The following METTL15 variants were observed in gnomAD, a reference collection of about 807,000 sequenced individuals.
METTL15 encodes methyltransferase 15, mitochondrial 12S rRNA N4-cytidine.
METTL15 carries 34 observed loss-of-function variants against 38.3 expected under a neutral mutation model. The observed-to-expected ratio is 0.89, with a 90% CI of 0.68 to 1.18. METTL15 has a LOEUF of 1.18. Ranked by LOEUF, METTL15 falls within the 50% of genes most tolerant of loss-of-function variation. The pLI is 0.00. For missense variants in METTL15, 438 were observed against 498.4 expected, an observed-to-expected ratio of 0.88 and a Z score of 1.15; for synonymous variants, 162 against 170.9, an observed-to-expected ratio of 0.95 and a Z score of 0.41.
chr11:28,170,877 C>G (rs1274383422), intron 3 of METTL15, among the ~76,000 whole-genome samples: 1 of 152,172 alleles, frequency 6.6e-6, no homozygotes, highest in Non-Finnish European at 1.5e-5. Flanking sequence ...GACCTCCTGT[C>G]TCATCCTGTG....
intron 6 of METTL15, among the ~76,000 whole-genome samples, chr11:28,452,286 T>C (rs978252183): frequency 6.6e-6 from 1 of 152,234 alleles, no homozygotes; most frequent in Non-Finnish European, 1.5e-5. Flanking sequence ...TATCATTTAC[T>C]GCATTCTTCA....
chr11:28,206,105 A>G (rs1365166676), intron 3 of METTL15, among the ~76,000 whole-genome samples: 2 of 148,912 alleles, frequency 1.3e-5, no homozygotes, highest in Non-Finnish European at 3.0e-5. Context: ...GAAGCTCTTT[A>G]GTTTAATTAG....
At chr11:28,153,973 A>AT (rs889524331) in intron 3 of METTL15, among the ~76,000 whole-genome samples, 4 of 152,146 alleles carry the variant, frequency 2.6e-5, no homozygotes, top group African/African-American at 9.6e-5. Context: ...AAATTGACTC[A>AT]TTTACATTTT....
At chr11:28,288,248 C>T (rs541722900) in intron 4 of METTL15, among the ~76,000 whole-genome samples, 5 of 152,002 alleles carry the variant, frequency 3.3e-5, no homozygotes, top group South Asian at 2.1e-4. Context: ...TGTGGAAGAC[C>T]GTGTAATGAC....
intron 3 of METTL15, among the ~76,000 whole-genome samples, chr11:28,154,065 T>C (rs984948691): frequency 6.6e-6 from 1 of 152,190 alleles, no homozygotes; most frequent in East Asian, 1.9e-4. Flanking sequence ...TTTCTGTTAT[T>C]GATTCTTTCA....
chr11:28,202,203 C>A (rs1046158283), intron 3 of METTL15, among the ~76,000 whole-genome samples: 1 of 150,876 alleles, frequency 6.6e-6, no homozygotes, highest in African/African-American at 2.4e-5. Context: ...ATATGGGGGC[C>A]TAAATTAAAG....
intron 3 of METTL15, among the ~76,000 whole-genome samples, chr11:28,202,493 C>T (rs1295151670): frequency 6.6e-6 from 1 of 151,620 alleles, no homozygotes; most frequent in Non-Finnish European, 1.5e-5. Context: ...GTCTAAAGTC[C>T]CTCACAAGAC....
chr11:28,469,542 C>G (rs1317418791), intron 6 of METTL15, among the ~76,000 whole-genome samples: 1 of 152,150 alleles, frequency 6.6e-6, no homozygotes, highest in Non-Finnish European at 1.5e-5. Context: ...TCCACCACTA[C>G]TGGAATACTG....
intron 3 of METTL15, among the ~76,000 whole-genome samples, chr11:28,156,990 C>T (rs2133732744): frequency 6.6e-6 from 1 of 152,236 alleles, no homozygotes; most frequent in Middle Eastern, 3.4e-3. Flanking sequence ...GTATTTAACC[C>T]TTATTCCTGA....
chr11:28,192,887 G>A (rs1332232032), intron 3 of METTL15, among the ~76,000 whole-genome samples: 1 of 152,000 alleles, frequency 6.6e-6, no homozygotes, highest in Non-Finnish European at 1.5e-5. Context: ...GATAGTTTGT[G>A]TTTTACAAGG....
chr11:28,278,395 T>C (rs903953561), intron 4 of METTL15, among the ~76,000 whole-genome samples: 1 of 152,208 alleles, frequency 6.6e-6, no homozygotes, highest in Non-Finnish European at 1.5e-5. Flanking sequence ...TTCTTTCTTA[T>C]TCATTTTCTA....
At chr11:28,471,149 C>G (rs1181748714) in intron 6 of METTL15, among the ~76,000 whole-genome samples, 1 of 152,076 alleles carries the variant, frequency 6.6e-6, no homozygotes, top group Non-Finnish European at 1.5e-5. Context: ...CAGTTGGTGA[C>G]TTCTTTTCTC....
intron 6 of METTL15, among the ~76,000 whole-genome samples, chr11:28,471,335 C>A (rs187080471): frequency 1.3e-5 from 2 of 152,118 alleles, no homozygotes; most frequent in African/African-American, 2.4e-5. Context: ...GGGAAAGGAT[C>A]GCATGAATGC....
chr11:28,247,075 T>A (rs1854543615), intron 4 of METTL15, among the ~76,000 whole-genome samples: 1 of 152,206 alleles, frequency 6.6e-6, no homozygotes, highest in Non-Finnish European at 1.5e-5. Context: ...TATTTCTATA[T>A]GCTATATACT....
chr11:28,108,658 G>A (rs1395379436), intron 1 of METTL15, among the ~76,000 whole-genome samples: 1 of 152,172 alleles, frequency 6.6e-6, no homozygotes, highest in East Asian at 1.9e-4. Context: ...ATTAATTGGA[G>A]ATCTTTTGGG....
At chr11:28,518,012 C>G (rs10501100) in intron 6 of METTL15, among the ~76,000 whole-genome samples, 68,930 of 152,008 alleles carry the variant, frequency 0.45, 16,164 homozygotes, top group Admixed American at 0.54. Flanking sequence ...GTGCTGGGTT[C>G]AAAAGCAAAC....
downstream of METTL15, among the ~76,000 whole-genome samples, chr11:28,529,169 C>T (rs1028071085): frequency 1.3e-5 from 2 of 152,090 alleles, no homozygotes; most frequent in Non-Finnish European, 2.9e-5. Flanking sequence ...ATGAGGTATA[C>T]GACATGTCTC....
At chr11:28,334,023 A>G (rs1849877502), downstream of METTL15, among the ~76,000 whole-genome samples, 1 of 151,902 alleles carries the variant, frequency 6.6e-6, no homozygotes, top group Admixed American at 6.6e-5. Flanking sequence ...TTTTACTTTC[A>G]TTTGAAATCT....
At chr11:28,325,403 A>G (rs1349984603) in intron 6 of METTL15, among the ~76,000 whole-genome samples, 8 of 152,200 alleles carry the variant, frequency 5.3e-5, no homozygotes, top group African/African-American at 9.6e-5. Context: ...CTTTGGGTAC[A>G]TAGGTGCAAT....
Sources: gnomAD v4.1 joint callset for allele counts (sites outside exome capture counted in the v4.1 genomes callset) on GRCh38, gnomAD v4.1.1 for gene constraint, MANE v1.5 for transcripts, NCBI Gene and HGNC (gene_info 2026-07-23, HGNC 2026-07-21) for gene names.